FAM13A: variants seen among roughly 807,000 people sequenced by gnomAD.
FAM13A encodes protein FAM13A.
A neutral mutation model predicts 129.6 loss-of-function variants in FAM13A; 76 were observed. The ratio of observed to expected loss-of-function variants is 0.59; its 90% CI spans 0.49 to 0.71. The LOEUF is 0.71. FAM13A is among the 30% of genes least tolerant of loss of function. FAM13A has a pLI of 0.00. For synonymous variants in FAM13A, 443 were observed against 449.9 expected (o/e 0.98, Z 0.20); for missense variants, 1,108 against 1,249.3 (o/e 0.89, Z 1.70).
chr4:88,738,673 A>C (rs1578429651), intron 20 of FAM13A, among the ~76,000 whole-genome samples: 1 of 152,182 alleles, frequency 6.6e-6, no homozygotes, highest in Non-Finnish European at 1.5e-5. Flanking sequence ...CCTTGGGATC[A>C]GAACGGCACT....
At chr4:88,914,590 A>G (rs1216939963) in intron 5 of FAM13A, among the ~76,000 whole-genome samples, 1 of 151,964 alleles carries the variant, frequency 6.6e-6, no homozygotes, top group Non-Finnish European at 1.5e-5. Flanking sequence ...CTCCCATGTC[A>G]CTTCCTCAGA....
intron 4 of FAM13A, among the ~76,000 whole-genome samples, chr4:88,985,832 C>T (rs1579629817): frequency 7.8e-6 from 1 of 128,752 alleles, no homozygotes; most frequent in Non-Finnish European, 1.6e-5. Context: ...AAGTAATACA[C>T]AAGCACAAAA....
intron 1 of FAM13A, among the ~76,000 whole-genome samples, chr4:89,035,634 AG>A (rs1249755372): frequency 6.6e-6 from 1 of 152,142 alleles, no homozygotes; most frequent in African/African-American, 2.4e-5. Flanking sequence ...TGTTAGAGGA[AG>A]GGCTGGGTGG....
chr4:89,041,537 A>G (rs188998034), intron 1 of FAM13A, among the ~76,000 whole-genome samples: 1 of 148,992 alleles, frequency 6.7e-6, no homozygotes, highest in Admixed American at 6.7e-5. Flanking sequence ...GGGTTAAATA[A>G]TGTATGTAAA....
chr4:88,781,858 GA>G (rs1031437103), intron 10 of FAM13A, among the ~76,000 whole-genome samples: 12 of 149,384 alleles, frequency 8.0e-5, no homozygotes, highest in East Asian at 2.0e-4. Flanking sequence ...GGGGAGCGGG[GA>G]GGGATAGCAT....
intron 5 of FAM13A, among the ~76,000 whole-genome samples, chr4:88,915,122 G>A (rs553984219): frequency 7.9e-5 from 12 of 152,250 alleles, no homozygotes; most frequent in Middle Eastern, 3.4e-3. Context: ...ATAGGAAAGC[G>A]CATGTAGAAC....
intron 5 of FAM13A, among the ~76,000 whole-genome samples, chr4:88,921,905 T>C (rs1751163959): frequency 6.6e-6 from 1 of 152,000 alleles, no homozygotes; most frequent in Non-Finnish European, 1.5e-5. Context: ...GCAATCCTAG[T>C]CTCTGATAAA....
In FAM13A at chr4:88,750,599, T is replaced by C; in HGVS notation, c.1765A>G (p.Ser589Gly). 1 of 1,614,090 alleles carries C rather than the reference T, an allele frequency of 6.2e-7. No individual in the cohort carries two copies. Among genetic ancestry groups the C allele is most frequent in the Non-Finnish European group, 8.5e-7 (1 of 1,180,030 alleles). ...PAFSSWQREN[S>G]DSDEAHLSPQ... Reference sequence around the variant, plus strand: ...GAGAGGTGGGCTTCATCAGAGTCACTGTTCTCCCGCTGCCAGGAGGAGAAA... The same window carrying C: ...GAGAGGTGGGCTTCATCAGAGTCACCGTTCTCCCGCTGCCAGGAGGAGAAA... Residue 589 changes from serine (S) to glycine (G), a missense_variant, in exon 15 of 24, where the codon AGT becomes GGT. Ser to Gly is a moderately conservative substitution (Grantham distance 56). Coordinates refer to ENST00000264344, the MANE Select transcript of FAM13A (RefSeq NM_014883.4).
At chr4:88,994,250 GACAGT>G (rs1763267915) in intron 3 of FAM13A, among the ~76,000 whole-genome samples, 2 of 152,086 alleles carry the variant, frequency 1.3e-5, no homozygotes, top group African/African-American at 4.8e-5. Flanking sequence ...CAAATATACT[GACAGT>G]ACAGTAAAGA....
chr4:88,811,904 C>T (rs1729729570), intron 7 of FAM13A, among the ~76,000 whole-genome samples: 1 of 152,214 alleles, frequency 6.6e-6, no homozygotes, highest in African/African-American at 2.4e-5. Context: ...AGAGGTGGAA[C>T]CTTTAAGAGG....
chr4:89,018,821 C>T, intron 3 of FAM13A, among the ~76,000 whole-genome samples: 1 of 152,340 alleles, frequency 6.6e-6, no homozygotes, highest in Middle Eastern at 3.4e-3. Flanking sequence ...AAGAGTCTAA[C>T]ACAGACAGTC....
chr4:88,759,067 C>T, intron 13 of FAM13A, 166 bp from the exon 14 acceptor site: 3 of 619,918 alleles, frequency 4.8e-6, no homozygotes, highest in Non-Finnish European at 8.2e-6. Flanking sequence ...CCTAGCTGGC[C>T]ACTTGCATGC....
intron 6 of FAM13A, among the ~76,000 whole-genome samples, chr4:88,905,961 G>A (rs1408535899): frequency 6.6e-6 from 1 of 152,160 alleles, no homozygotes; most frequent in Non-Finnish European, 1.5e-5. Context: ...TGAAGGAAAT[G>A]CAATCAACAG....
intron 7 of FAM13A, among the ~76,000 whole-genome samples, chr4:88,843,402 G>A (rs1014933063): frequency 6.6e-6 from 1 of 152,182 alleles, no homozygotes; most frequent in Non-Finnish European, 1.5e-5. Context: ...AAGAATCCTT[G>A]CTTCATTTCA....
intron 7 of FAM13A, among the ~76,000 whole-genome samples, chr4:88,846,758 C>G (rs1410405762): frequency 6.6e-6 from 1 of 152,132 alleles, no homozygotes; most frequent in African/African-American, 2.4e-5. Flanking sequence ...GTGATATTAC[C>G]ATTTAAGACT....
chr4:88,732,339 T>TG, intron 21 of FAM13A, 141 bp from the exon 22 acceptor site: 1 of 544,190 alleles, frequency 1.8e-6, no homozygotes, highest in Non-Finnish European at 3.2e-6. Context: ...CATATGTACA[T>TG]TACAGATATA....
chr4:88,978,603 G>A (rs1761221365), intron 4 of FAM13A, among the ~76,000 whole-genome samples: 1 of 152,156 alleles, frequency 6.6e-6, no homozygotes, highest in African/African-American at 2.4e-5. Context: ...GACCATCCTG[G>A]CTAACACGGT....
At chr4:88,803,477 T>C (rs1212575554) in intron 8 of FAM13A, among the ~76,000 whole-genome samples, 1 of 152,212 alleles carries the variant, frequency 6.6e-6, no homozygotes, top group East Asian at 1.9e-4. Flanking sequence ...TAAGTTCTCA[T>C]TCGTTGGCAT....
chr4:89,041,564 T>TGAG (rs34192543), intron 1 of FAM13A, among the ~76,000 whole-genome samples: 90,856 of 151,518 alleles, frequency 0.6, 27,867 homozygotes, highest in Middle Eastern at 0.69. Context: ...TCTCACACAG[T>TGAG]AAGAGAGTTA....
Sources: allele counts gnomAD v4.1 joint callset (sites outside exome capture counted in the v4.1 genomes callset), GRCh38; gene constraint gnomAD v4.1.1; transcripts MANE v1.5; gene names NCBI Gene and HGNC (gene_info 2026-07-23, HGNC 2026-07-21).